TMEM135: variants seen among roughly 807,000 people sequenced by gnomAD.
TMEM135 encodes the protein transmembrane protein 135.
A neutral mutation model predicts 60.3 loss-of-function variants in TMEM135; 30 were observed. The ratio of observed to expected loss-of-function variants is 0.50; its 90% CI spans 0.37 to 0.68. The LOEUF (loss-of-function observed/expected upper bound fraction) is 0.68. TMEM135 is among the 30% of genes least tolerant of loss of function. The pLI, the probability that TMEM135 is intolerant of heterozygous loss-of-function variation, is 0.00. For missense variants in TMEM135, 468 were observed against 548.8 expected (o/e 0.85, Z 1.47); for synonymous variants, 190 against 186.7 (o/e 1.02, Z -0.14).
intron 5 of TMEM135, among the ~76,000 whole-genome samples, chr11:87,231,796 G>GA (rs746619658): frequency 1.3e-5 from 2 of 152,008 alleles, no homozygotes; most frequent in East Asian, 1.9e-4. Flanking sequence ...GGGGAAAAAG[G>GA]AAAAATGAAA....
At chr11:87,045,090 CG>C (rs1458863133) in intron 1 of TMEM135, among the ~76,000 whole-genome samples, 13 of 152,058 alleles carry the variant, frequency 8.5e-5, no homozygotes, top group South Asian at 2.1e-4. Context: ...AGTGCGGTGG[CG>C]CGATCTAGGC....
At chr11:87,264,194 G>T (rs937578191) in intron 6 of TMEM135, among the ~76,000 whole-genome samples, 1 of 151,742 alleles carries the variant, frequency 6.6e-6, no homozygotes, top group African/African-American at 2.4e-5. Context: ...CTAGAAAAGA[G>T]GATAAAAGCT....
At chr11:87,305,010 G>C (rs542967525) in intron 8 of TMEM135, among the ~76,000 whole-genome samples, 1 of 152,284 alleles carries the variant, frequency 6.6e-6, no homozygotes, top group East Asian at 1.9e-4. Flanking sequence ...ACACTGGAGG[G>C]TTAAGTGGTT....
At chr11:87,152,078 C>T (rs192006796) in intron 4 of TMEM135, among the ~76,000 whole-genome samples, 3 of 152,224 alleles carry the variant, frequency 2.0e-5, no homozygotes, top group Admixed American at 2.0e-4. Context: ...CTTTCTGGTG[C>T]CTTTCTATTG....
At chr11:87,165,587 A>G (rs1323028144) in intron 5 of TMEM135, among the ~76,000 whole-genome samples, 7 of 149,188 alleles carry the variant, frequency 4.7e-5, no homozygotes, top group Admixed American at 4.7e-4. Flanking sequence ...CTCTTTTTCT[A>G]TTGATTGGAA....
At position 87,152,761 on chromosome 11, in the gene TMEM135, C is replaced by G. The variant is rs144989397; in HGVS notation, c.397-4580C>G. Among the ~76,000 whole-genome samples the G allele has an allele frequency of 1.4e-3, 217 of 152,192 alleles. 2 individuals carry two copies. The highest frequency in any genetic ancestry group is 2.4e-3 in the Non-Finnish European group (161 of 67,988). ...GCCCTTATGTTATTTTTGAGTCTTC[C>G]CTGCTGTATCCTTTTCTTTTGCCTC... is the stretch of plus-strand genomic sequence containing the variant. On this transcript the variant is annotated intron_variant, in intron 4 of 14. Transcript: ENST00000305494.
intron 3 of TMEM135, among the ~76,000 whole-genome samples, chr11:87,080,893 C>T (rs1254207788): frequency 6.6e-6 from 1 of 151,882 alleles, no homozygotes; most frequent in Non-Finnish European, 1.5e-5. Context: ...ACCATGTTGG[C>T]CAGGCTGGTC....
intron 6 of TMEM135, among the ~76,000 whole-genome samples, chr11:87,261,392 T>G (rs1401007773): frequency 1.3e-5 from 2 of 152,202 alleles, no homozygotes; most frequent in Non-Finnish European, 2.9e-5. Flanking sequence ...ATTGATAAAA[T>G]AGAGACTTTT....
At chr11:87,296,906 G>A (rs1942356778) in intron 7 of TMEM135, among the ~76,000 whole-genome samples, 1 of 151,896 alleles carries the variant, frequency 6.6e-6, no homozygotes, top group African/African-American at 2.4e-5. Context: ...TTTATATTAG[G>A]GAATATAAAA....
At chr11:87,312,338 A>G (rs1942653840) in intron 10 of TMEM135, among the ~76,000 whole-genome samples, 1 of 151,906 alleles carries the variant, frequency 6.6e-6, no homozygotes, top group Admixed American at 6.6e-5. Flanking sequence ...AAGTAATGTT[A>G]TACTACTTCA....
intron 2 of TMEM135, 45 bp from the exon 3 acceptor site, chr11:87,071,478 G>GGT (rs1856771862): frequency 6.9e-7 from 1 of 1,455,912 alleles, no homozygotes; most frequent in East Asian, 2.3e-5. Flanking sequence ...TAACTGAAGT[G>GGT]ACCAACTAGG....
chr11:87,059,078 C>T lies in TMEM135; in HGVS notation c.142-8616C>T, dbSNP rs558331704. Among the ~76,000 whole-genome samples, 10 of 152,084 alleles carry T rather than the reference C, an allele frequency of 6.6e-5. No individual in the cohort carries two copies. In the South Asian group the frequency reaches 8.3e-4, roughly 13 times the overall value. On this transcript the variant is annotated intron_variant, in intron 1 of 14. Transcript: ENST00000305494. ...TCAGCCTCCCAAGTAGCTGGGATTA[C>T]AGGCACCCACCATCATGACTGGCTA...
At chr11:87,042,913 A>G (rs1165938498) in intron 1 of TMEM135, among the ~76,000 whole-genome samples, 2 of 151,744 alleles carry the variant, frequency 1.3e-5, no homozygotes, top group Non-Finnish European at 2.9e-5. Flanking sequence ...ACAATTTGTA[A>G]AGAATATCAG....
intron 5 of TMEM135, among the ~76,000 whole-genome samples, chr11:87,198,615 A>C (rs1591097163): frequency 1.6e-5 from 2 of 123,808 alleles, no homozygotes; most frequent in East Asian, 2.4e-4. Flanking sequence ...CTTCCTTTCC[A>C]TCTCCTCTTT....
chr11:87,080,480 A>G (rs551065867), intron 3 of TMEM135, among the ~76,000 whole-genome samples: 3 of 152,238 alleles, frequency 2.0e-5, no homozygotes, highest in Non-Finnish European at 4.4e-5. Context: ...GCTGAGAGAA[A>G]AGTGTAAAAT....
intron 1 of TMEM135, among the ~76,000 whole-genome samples, chr11:87,047,296 G>A (rs558189519): frequency 6.4e-4 from 97 of 152,232 alleles, no homozygotes; most frequent in African/African-American, 2.3e-3. Context: ...TAAAAAAAAA[G>A]TGTATTTTGG....
chr11:87,063,185 TTTTTGGTAATCTGTC>T (rs1325402078), intron 1 of TMEM135, among the ~76,000 whole-genome samples: 3 of 152,222 alleles, frequency 2.0e-5, no homozygotes, highest in African/African-American at 2.4e-5. Flanking sequence ...TACAAATTAT[TTTTTGGTAATCTGTC>T]TTTTCACTTT....
intron 1 of TMEM135, among the ~76,000 whole-genome samples, chr11:87,047,040 T>C (rs1949802427): frequency 6.6e-6 from 1 of 152,182 alleles, no homozygotes; most frequent in Admixed American, 6.5e-5. Context: ...CCTCTGCCCA[T>C]AACTCTCCAG....
intron 5 of TMEM135, among the ~76,000 whole-genome samples, chr11:87,214,384 A>AT (rs1940451597): frequency 2.0e-5 from 3 of 152,260 alleles, no homozygotes; most frequent in South Asian, 2.1e-4. Flanking sequence ...AGTGCAGTAC[A>AT]GTTTTTCTGG....
Sources: gnomAD v4.1 joint callset for allele counts (sites outside exome capture counted in the v4.1 genomes callset) on GRCh38, gnomAD v4.1.1 for gene constraint, MANE v1.5 for transcripts, NCBI Gene and HGNC (gene_info 2026-07-23, HGNC 2026-07-21) for gene names.